Variants in BMERB1 observed in about 807,000 individuals in gnomAD.
BMERB1 encodes bMERB domain-containing protein 1.
Under a neutral mutation model 23.6 loss-of-function variants are expected in BMERB1, and 12 were observed. The observed-to-expected ratio is 0.51, with a 90% confidence interval of 0.33 to 0.82. The LOEUF is 0.82. Ranked by LOEUF, BMERB1 falls within the 40% of genes least tolerant of loss-of-function variation. The pLI, the probability that BMERB1 is intolerant of heterozygous loss-of-function variation, is 0.03. For missense variants in BMERB1, 247 were observed against 255.4 expected, an observed-to-expected ratio of 0.97 and a Z score of 0.22; for synonymous variants, 122 against 96.6, an observed-to-expected ratio of 1.26 and a Z score of -1.54.
chr16:15,460,904 A>C (rs919816791), intron 1 of BMERB1, among the ~76,000 whole-genome samples: 15 of 152,094 alleles, frequency 9.9e-5, no homozygotes, highest in African/African-American at 3.1e-4. Context: ...CAAGGCAAGC[A>C]CCTGAGGTCA....
At chr16:15,501,917 C>G (rs1338417365) in intron 1 of BMERB1, among the ~76,000 whole-genome samples, 1 of 152,230 alleles carries the variant, frequency 6.6e-6, no homozygotes, top group Admixed American at 6.5e-5. Context: ...CCTCCACACC[C>G]AGCCTTTTTT....
chr16:15,514,722 G>C (rs907705368), intron 1 of BMERB1, among the ~76,000 whole-genome samples: 1 of 152,112 alleles, frequency 6.6e-6, no homozygotes, highest in Admixed American at 6.6e-5. Flanking sequence ...AGGTTGCAGT[G>C]AGCTGAGATT....
At chr16:15,475,279 G>A (rs1281152105) in intron 1 of BMERB1, among the ~76,000 whole-genome samples, 1 of 152,122 alleles carries the variant, frequency 6.6e-6, no homozygotes, top group African/African-American at 2.4e-5. Flanking sequence ...CAGCAGGTGG[G>A]GGAGTGAGGC....
At chr16:15,534,211 T>C (rs1212393468) in intron 2 of BMERB1, among the ~76,000 whole-genome samples, 3 of 143,602 alleles carry the variant, frequency 2.1e-5, no homozygotes, top group Non-Finnish European at 3.0e-5. Context: ...TGGCTCACCA[T>C]GTAACTGTCC....
At chr16:15,478,764 G>A (rs2051293952) in intron 1 of BMERB1, among the ~76,000 whole-genome samples, 2 of 152,170 alleles carry the variant, frequency 1.3e-5, no homozygotes, top group African/African-American at 4.8e-5. Flanking sequence ...TCATGGCCAT[G>A]TATTCACAGT....
intron 1 of BMERB1, among the ~76,000 whole-genome samples, chr16:15,497,505 G>GA (rs976370762): frequency 2.0e-5 from 3 of 152,118 alleles, no homozygotes; most frequent in African/African-American, 4.8e-5. Flanking sequence ...TATCAAGAAA[G>GA]AAAAAAACTG....
intron 1 of BMERB1, among the ~76,000 whole-genome samples, chr16:15,459,728 T>C (rs1250330874): frequency 1.3e-5 from 2 of 152,178 alleles, no homozygotes; most frequent in Non-Finnish European, 2.9e-5. Flanking sequence ...TGGCCTCCTG[T>C]CCACTCCATT....
In BMERB1 at chr16:15,506,466, C is replaced by T. The variant is rs1263952438; in HGVS notation, c.107-8839C>T. Among the ~76,000 whole-genome samples the T allele has an allele frequency of 2.0e-5, 3 of 152,094 alleles. No homozygotes were observed. In the East Asian group the frequency reaches 5.8e-4, roughly 29 times the overall value. ...GGATTACAGGCGTGAGCCACTGTGC[C>T]CAGCCCCCTCCTAATCTTAAAATTT... On this transcript the variant is annotated intron_variant, in intron 1 of 5. Transcript: ENST00000300006.
At chr16:15,507,751 CTG>C (rs930687012) in intron 1 of BMERB1, among the ~76,000 whole-genome samples, 2 of 152,132 alleles carry the variant, frequency 1.3e-5, no homozygotes, top group Admixed American at 6.6e-5. Flanking sequence ...AAGAAGCTGA[CTG>C]TGTGTGATAT....
At chr16:15,491,070 G>T (rs1158331382) in intron 1 of BMERB1, among the ~76,000 whole-genome samples, 1 of 151,988 alleles carries the variant, frequency 6.6e-6, no homozygotes, top group Non-Finnish European at 1.5e-5. Context: ...GGCTGGTCTC[G>T]AACTCCTGAG....
At chr16:15,483,952 A>G (rs748164720) in intron 1 of BMERB1, among the ~76,000 whole-genome samples, 2 of 152,232 alleles carry the variant, frequency 1.3e-5, no homozygotes, top group Non-Finnish European at 2.9e-5. Flanking sequence ...CAGGTTATAC[A>G]AGAAACATGG....
chr16:15,522,313 G>C (rs1325330013), intron 2 of BMERB1, among the ~76,000 whole-genome samples: 1 of 152,098 alleles, frequency 6.6e-6, no homozygotes, highest in Non-Finnish European at 1.5e-5. Flanking sequence ...CCAGAGCCTG[G>C]GCTTGAAATC....
At chr16:15,497,107 G>GGATT (rs2051480760) in intron 1 of BMERB1, among the ~76,000 whole-genome samples, 1 of 152,128 alleles carries the variant, frequency 6.6e-6, no homozygotes, top group Non-Finnish European at 1.5e-5. Flanking sequence ...AAACACCAGG[G>GGATT]GATTCGTCTA....
At chr16:15,460,989 G>T (rs1055118496) in intron 1 of BMERB1, among the ~76,000 whole-genome samples, 2 of 152,028 alleles carry the variant, frequency 1.3e-5, no homozygotes, top group Non-Finnish European at 2.9e-5. Flanking sequence ...ACCAGGAGTG[G>T]TGGCACATGC....
chr16:15,447,884 C>CATTT (rs772788188), intron 1 of BMERB1: 16 of 455,536 alleles, frequency 3.5e-5, no homozygotes, highest in East Asian at 2.1e-4. Flanking sequence ...AAAGAAGTAG[C>CATTT]ATTTATTTAT....
rs199614915 is a variant in BMERB1, at chr16:15,464,313, A to T, written c.106+29554A>T. Among the ~76,000 whole-genome samples the T allele has an allele frequency of 2.6e-5, 3 of 114,484 alleles. No individual in the cohort carries two copies. The East Asian group carries it at 6.7e-4, about 26-fold the overall frequency. 75.1% of individuals were successfully genotyped at this position (114,484 alleles called of 152,430 possible). A position where few individuals can be genotyped will look rare whatever the true frequency, so the allele number is the denominator to read the frequency against. On this transcript the variant is annotated intron_variant, in intron 1 of 5. Transcript: ENST00000300006. ...GGGCGACAGAGTGAGACTTCATCTT[A>T]AAAAAAAAAAAAAAAAAAAGGATTC...
chr16:15,473,394 GCTTCT>G (rs1264511569), intron 1 of BMERB1, among the ~76,000 whole-genome samples: 1 of 151,316 alleles, frequency 6.6e-6, no homozygotes, highest in African/African-American at 2.4e-5. Context: ...AGGTTCAAGT[GCTTCT>G]CATGTCTCAG....
At chr16:15,557,388 C>T (rs939136148) in intron 2 of BMERB1, among the ~76,000 whole-genome samples, 14 of 152,166 alleles carry the variant, frequency 9.2e-5, no homozygotes, top group South Asian at 2.1e-4. Flanking sequence ...ATGGCTTATT[C>T]GAACTTCCAG....
At chr16:15,444,860 A>G (rs569378573) in intron 1 of BMERB1, among the ~76,000 whole-genome samples, 136 of 152,256 alleles carry the variant, frequency 8.9e-4, no homozygotes, top group African/African-American at 3.0e-3. Flanking sequence ...TCTGTTCTCA[A>G]TAATAACCAT....
Sources: gnomAD v4.1 joint callset for allele counts (sites outside exome capture counted in the v4.1 genomes callset) on GRCh38, gnomAD v4.1.1 for gene constraint, MANE v1.5 for transcripts, NCBI Gene and HGNC (gene_info 2026-07-23, HGNC 2026-07-21) for gene names.